Variants in ITPR1 observed in about 807,000 individuals in gnomAD.
The protein encoded by ITPR1 is inositol 1,4,5-trisphosphate-gated calcium channel ITPR1.
In ITPR1, 96 loss-of-function variants were observed where a neutral mutation model predicts 318.4. The observed-to-expected ratio is 0.30, with a 90% CI of 0.26 to 0.36. The LOEUF is 0.36. ITPR1 is among the 10% of genes least tolerant of loss of function. The probability of loss-of-function intolerance (pLI) is 1.00; values close to 1 mark genes in which losing one functional copy is unlikely to be tolerated. For missense variants in ITPR1, 2,440 were observed against 3,460.2 expected, an observed-to-expected ratio of 0.71 and a Z score of 7.40; for synonymous variants, 1,312 against 1,289.9, an observed-to-expected ratio of 1.02 and a Z score of -0.37.
intron 4 of ITPR1, among the ~76,000 whole-genome samples, chr3:4,589,993 C>T (rs1009292572): frequency 1.3e-5 from 2 of 152,066 alleles, no homozygotes; most frequent in African/African-American, 2.4e-5. Flanking sequence ...CTCATTTCTG[C>T]CCCAGAGCCT....
chr3:4,679,334 A>G (rs1325830056), intron 24 of ITPR1, among the ~76,000 whole-genome samples: 5 of 152,208 alleles, frequency 3.3e-5, no homozygotes, highest in African/African-American at 9.6e-5. Context: ...GCAGTTACGG[A>G]GGCCGAGAAG....
intron 52 of ITPR1, among the ~76,000 whole-genome samples, chr3:4,790,510 A>G (rs2047487426): frequency 6.6e-6 from 1 of 152,222 alleles, no homozygotes; most frequent in Admixed American, 6.5e-5. Context: ...TAAGAGAGAA[A>G]TTGAAAATAA....
chr3:4,512,184 G>C (rs1476366355), intron 2 of ITPR1, among the ~76,000 whole-genome samples: 1 of 152,094 alleles, frequency 6.6e-6, no homozygotes, highest in East Asian at 1.9e-4. Flanking sequence ...GGTCTGGCTG[G>C]TCTCAAACTC....
At chr3:4,599,533 C>T (rs2091110088) in intron 4 of ITPR1, among the ~76,000 whole-genome samples, 2 of 152,154 alleles carry the variant, frequency 1.3e-5, no homozygotes, top group Non-Finnish European at 2.9e-5. Context: ...CTTTTACAGT[C>T]TTGCCAACAT....
intron 4 of ITPR1, among the ~76,000 whole-genome samples, chr3:4,616,890 T>A (rs1278526719): frequency 2.6e-5 from 4 of 152,136 alleles, no homozygotes; most frequent in Non-Finnish European, 5.9e-5. Context: ...GTCTTGTGAT[T>A]TCATTATCAC....
intron 4 of ITPR1, among the ~76,000 whole-genome samples, chr3:4,612,688 A>G (rs1320679960): frequency 6.6e-6 from 1 of 151,894 alleles, no homozygotes; most frequent in East Asian, 2.0e-4. Flanking sequence ...GGAGTTTGAG[A>G]CCAGCCTGGC....
At chr3:4,601,520 T>G (rs1270148462) in intron 4 of ITPR1, among the ~76,000 whole-genome samples, 1 of 148,628 alleles carries the variant, frequency 6.7e-6, no homozygotes, top group East Asian at 1.9e-4. Flanking sequence ...AAAAAAGTGT[T>G]GAACACCTAC....
intron 39 of ITPR1, among the ~76,000 whole-genome samples, chr3:4,714,163 G>A (rs887703705): frequency 6.6e-6 from 1 of 152,114 alleles, no homozygotes; most frequent in Non-Finnish European, 1.5e-5. Flanking sequence ...GACTAAAGAA[G>A]CATGACGCAC....
Position 4,654,455 on chromosome 3 carries a change from A to G in ITPR1, c.996+569A>G, listed in dbSNP as rs879325096. Among the ~76,000 whole-genome samples the G allele has an allele frequency of 2.6e-5, 4 of 152,234 alleles. No individual in the cohort carries two copies. In the East Asian group the frequency reaches 5.8e-4, roughly 22 times the overall value. On this transcript the variant is annotated intron_variant, in intron 12 of 61. Transcript: ENST00000649015. ...CAAAATGGCTCTTTCTCTGGAGACC[A>G]TATCGCCAAGTAATGCTGATACGTA... is the stretch of plus-strand genomic sequence containing the variant.
intron 44 of ITPR1, among the ~76,000 whole-genome samples, chr3:4,745,763 A>T (rs777378902): frequency 2.0e-5 from 3 of 152,152 alleles, no homozygotes; most frequent in Non-Finnish European, 4.4e-5. Flanking sequence ...CCTGATGGGC[A>T]TCTCCACTTG....
At chr3:4,671,024 G>GAT in intron 20 of ITPR1, 98 bp downstream of exon 20, 2 of 908,548 alleles carry the variant, frequency 2.2e-6, no homozygotes, top group Non-Finnish European at 3.2e-6. Flanking sequence ...GGAATCACAA[G>GAT]GAGTCATCTT....
chr3:4,591,506 G>A (rs546433263), intron 4 of ITPR1, among the ~76,000 whole-genome samples: 1 of 152,254 alleles, frequency 6.6e-6, no homozygotes, highest in East Asian at 1.9e-4. Flanking sequence ...TCATATGCTT[G>A]TTGCCTGGTT....
At chr3:4,621,830 A>G (rs935915719) in intron 4 of ITPR1, among the ~76,000 whole-genome samples, 1 of 152,068 alleles carries the variant, frequency 6.6e-6, no homozygotes, top group African/African-American at 2.4e-5. Flanking sequence ...CCCGAGTTTT[A>G]TGAAGGCTGG....
intron 4 of ITPR1, 101 bp downstream of exon 4, chr3:4,521,195 T>C: frequency 1.4e-6 from 1 of 721,796 alleles, no homozygotes; most frequent in Non-Finnish European, 2.4e-6. Flanking sequence ...AATAGGCTTA[T>C]TTATTATGTA....
chr3:4,710,890 A>G lies in ITPR1; in HGVS notation c.4991+417A>G, dbSNP rs1198982568. 6.6e-6 allele frequency among the ~76,000 whole-genome samples: 1 copy of G among 152,248 alleles called. No homozygotes were observed. The highest frequency in any genetic ancestry group is 1.5e-5 in the Non-Finnish European group (1 of 68,044). ...TGTGCGTAATCTGTAAGCAACAAGC[A>G]GACCCATGGTTAGAAATCTCCATTA... is the stretch of plus-strand genomic sequence containing the variant. On this transcript the variant is annotated intron_variant, in intron 38 of 61. Transcript: ENST00000649015. The surrounding 1 kb of genome is among the most constrained non-coding windows in gnomAD (Gnocchi z 4.2).
At chr3:4,804,936 T>A (rs2048465542) in intron 54 of ITPR1, among the ~76,000 whole-genome samples, 1 of 152,116 alleles carries the variant, frequency 6.6e-6, no homozygotes, top group South Asian at 2.1e-4. Flanking sequence ...AAGATGGTTT[T>A]ACCAAGTGCA....
chr3:4,538,883 G>C (rs35878278), intron 4 of ITPR1, among the ~76,000 whole-genome samples: 27,097 of 151,982 alleles, frequency 0.18, 2,605 homozygotes, highest in East Asian at 0.3. Context: ...TTAGGGGATG[G>C]GTGAGGGGAG....
chr3:4,783,075 T>A (rs1575228202), intron 50 of ITPR1, among the ~76,000 whole-genome samples: 1 of 152,220 alleles, frequency 6.6e-6, no homozygotes, highest in Non-Finnish European at 1.5e-5. Flanking sequence ...TTGATGAGCC[T>A]CTCTTAACAA....
Position 4,639,602 on chromosome 3 carries a change from A to G in ITPR1, c.366+132A>G. On this transcript the variant is annotated intron_variant, in intron 6 of 61. Coordinates refer to ENST00000649015, the MANE Select transcript of ITPR1 (RefSeq NM_001378452.1). Reference sequence around the variant, plus strand: ...ATGGAGGCAGCCAGTTTATTGCAAAAAGTCTAGTGTTTCTTGTTAGATGTG... The same window carrying G: ...ATGGAGGCAGCCAGTTTATTGCAAAGAGTCTAGTGTTTCTTGTTAGATGTG... 2 of 675,528 alleles carry G rather than the reference A, an allele frequency of 3.0e-6. 1 individual carries two copies. Among genetic ancestry groups the G allele is most frequent in the South Asian group, 3.4e-5 (2 of 58,106 alleles). 41.8% of individuals were successfully genotyped at this position (675,528 alleles called of 1,614,324 possible).
Sources: allele counts gnomAD v4.1 joint callset (sites outside exome capture counted in the v4.1 genomes callset), GRCh38; gene constraint gnomAD v4.1.1; non-coding constraint Gnocchi (gnomAD v3.1); transcripts MANE v1.5; gene names NCBI Gene and HGNC (gene_info 2026-07-23, HGNC 2026-07-21).